The following AJAP1 variants were observed in gnomAD, a reference collection of about 807,000 sequenced individuals.
The protein encoded by AJAP1 is adherens junctions associated protein 1.
Under a neutral mutation model 35.0 loss-of-function variants are expected in AJAP1, and 5 were observed. The ratio of observed to expected loss-of-function variants is 0.14; its 90% CI spans 0.07 to 0.30. AJAP1 has a LOEUF of 0.30. AJAP1 is among the 10% of genes least tolerant of loss of function. The pLI is 1.00. For synonymous variants in AJAP1, 284 were observed against 249.3 expected, an observed-to-expected ratio of 1.14 and a Z score of -1.31; for missense variants, 586 against 571.0, an observed-to-expected ratio of 1.03 and a Z score of -0.27.
At chr1:4,748,779 G>GAAAAA (rs1641255545) in intron 2 of AJAP1, among the ~76,000 whole-genome samples, 5 of 146,018 alleles carry the variant, frequency 3.4e-5, no homozygotes, top group African/African-American at 1.3e-4. Context: ...AAAAAAGAAT[G>GAAAAA]GAACCAGGGC....
At position 4,751,191 on chromosome 1, in the gene AJAP1, C is replaced by T. The variant is rs550681320; in HGVS notation, c.830-18662C>T. Among the ~76,000 whole-genome samples the T allele has an allele frequency of 5.7e-4, 86 of 152,200 alleles. 2 individuals are homozygous for T. The South Asian group carries it at 0.013, about 22-fold the overall frequency. On this transcript the variant is annotated intron_variant, in intron 2 of 5. Transcript: ENST00000378191. ...CCCCCTCTGTTTTGTCTGGAGATGACGGCACCATGTCTGGACCCGGCAGAG... is the reference window on the plus strand; with the variant it reads ...CCCCCTCTGTTTTGTCTGGAGATGATGGCACCATGTCTGGACCCGGCAGAG...
intron 1 of AJAP1, among the ~76,000 whole-genome samples, chr1:4,699,436 A>G (rs184820504): frequency 6.6e-6 from 1 of 152,354 alleles, no homozygotes; most frequent in Non-Finnish European, 1.5e-5. Context: ...CAACGAAACC[A>G]AAATAGATAT....
chr1:4,766,565 A>G (rs17349250), intron 2 of AJAP1, among the ~76,000 whole-genome samples: 41,095 of 152,154 alleles, frequency 0.27, 6,037 homozygotes, highest in Admixed American at 0.36. Context: ...TTGTCCAACC[A>G]TCATGAGGGT....
chr1:4,727,074 C>T lies in AJAP1; in HGVS notation c.829+14375C>T, dbSNP rs116062165. On this transcript the variant is annotated intron_variant, in intron 2 of 5. Transcript: ENST00000378191. ...CTGTGGCAGCAGGTTGCCATTGCTT[C>T]GCAGTTTGGGTTACATCTGTTCCGC... Among the ~76,000 whole-genome samples the T allele has an allele frequency of 9.4e-3, 1,425 of 152,358 alleles. 23 individuals carry two copies. Among genetic ancestry groups the T allele is most frequent in the African/African-American group, 0.031 (1,279 of 41,594 alleles).
chr1:4,780,883 G>T (rs1281240912), intron 5 of AJAP1, among the ~76,000 whole-genome samples: 2 of 151,918 alleles, frequency 1.3e-5, no homozygotes, highest in Non-Finnish European at 2.9e-5. Flanking sequence ...GCCCACAGCA[G>T]CTGGTCTTCC....
At chr1:4,731,465 G>A (rs1284270015) in intron 2 of AJAP1, among the ~76,000 whole-genome samples, 2 of 152,232 alleles carry the variant, frequency 1.3e-5, no homozygotes, top group Non-Finnish European at 2.9e-5. Flanking sequence ...GACCCAGGCA[G>A]ATCCTCAGCT....
rs1639774467 is a variant in AJAP1, at chr1:4,692,813, G to T, written c.30-19087G>T. Among the ~76,000 whole-genome samples the T allele has an allele frequency of 6.6e-6, 1 of 152,118 alleles. No homozygotes were observed. Among genetic ancestry groups the T allele is most frequent in the Non-Finnish European group, 1.5e-5 (1 of 68,028 alleles). On this transcript the variant is annotated intron_variant, in intron 1 of 5. Transcript: ENST00000378191. This position sits in a 1 kb window ranked among gnomAD's most constrained non-coding sequence, Gnocchi z 4.4. ...CAGTGGACTGTGAACTCCCCATCTGGGTTCCTCTGTCTGTTGGCCCACGAA... is the reference window on the plus strand; with the variant it reads ...CAGTGGACTGTGAACTCCCCATCTGTGTTCCTCTGTCTGTTGGCCCACGAA...
intron 2 of AJAP1, among the ~76,000 whole-genome samples, chr1:4,758,642 G>A (rs1480137422): frequency 6.6e-6 from 1 of 152,158 alleles, no homozygotes; most frequent in Non-Finnish European, 1.5e-5. Flanking sequence ...GACAAGTGGG[G>A]ATTATGGGGC....
At chr1:4,695,510 G>C (rs1434836006) in intron 1 of AJAP1, among the ~76,000 whole-genome samples, 1 of 152,192 alleles carries the variant, frequency 6.6e-6, no homozygotes, top group Non-Finnish European at 1.5e-5. Context: ...TGGAGATGGA[G>C]AGTGGGAACA....
chr1:4,768,730 G>A (rs575984716), intron 2 of AJAP1, among the ~76,000 whole-genome samples: 11 of 152,318 alleles, frequency 7.2e-5, no homozygotes, highest in South Asian at 2.1e-4. Context: ...TGCCACCTGC[G>A]GGCTTGGCGG....
intron 2 of AJAP1, among the ~76,000 whole-genome samples, chr1:4,724,086 T>C (rs796357958): frequency 5.0e-4 from 76 of 152,282 alleles, no homozygotes; most frequent in African/African-American, 1.8e-3. Context: ...ATCCCATGGG[T>C]ACTGCACCGA....
chr1:4,752,187 A>AGAGAGGAGGAGG (rs1641334626), intron 2 of AJAP1, among the ~76,000 whole-genome samples: 1 of 145,864 alleles, frequency 6.9e-6, no homozygotes, highest in African/African-American at 2.5e-5. Flanking sequence ...GAGGGAGGAG[A>AGAGAGGAGGAGG]GAGAGGAGGA....
At chr1:4,674,072 A>G (rs1478281819) in intron 1 of AJAP1, among the ~76,000 whole-genome samples, 2 of 150,630 alleles carry the variant, frequency 1.3e-5, no homozygotes, top group Non-Finnish European at 3.0e-5. Flanking sequence ...AAAAAGGAAC[A>G]AAAAGGATTG....
At chr1:4,750,700 C>T (rs1641302501) in intron 2 of AJAP1, among the ~76,000 whole-genome samples, 1 of 151,314 alleles carries the variant, frequency 6.6e-6, no homozygotes, top group East Asian at 2.0e-4. Context: ...AGTGACACAC[C>T]CTCCTCCTCC....
chr1:4,660,143 T>A (rs1365199402), intron 1 of AJAP1, among the ~76,000 whole-genome samples: 1 of 152,186 alleles, frequency 6.6e-6, no homozygotes, highest in Non-Finnish European at 1.5e-5. Flanking sequence ...ATAAAGCTGT[T>A]TTTCTTCTAC....
intron 1 of AJAP1, among the ~76,000 whole-genome samples, chr1:4,702,995 A>G (rs1277215355): frequency 2.0e-5 from 3 of 152,102 alleles, no homozygotes; most frequent in Non-Finnish European, 4.4e-5. Flanking sequence ...TCCGACCCAA[A>G]TGAGTCATCT....
In AJAP1 at chr1:4,656,394, G is replaced by A. The variant is rs1557595937; in HGVS notation, c.29+940G>A. 2.6e-5 allele frequency among the ~76,000 whole-genome samples: 4 copies of A among 152,224 alleles called. No homozygotes were observed. The highest frequency in any genetic ancestry group is 1.3e-4 in the Admixed American group (2 of 15,288). Reference sequence around the variant, plus strand: ...CACCGAGCTCGTGCATTTGGGTCCCGGGTTGGAACCGCGAGCGGGGAGGAC... The same window carrying A: ...CACCGAGCTCGTGCATTTGGGTCCCAGGTTGGAACCGCGAGCGGGGAGGAC... On this transcript the variant is annotated intron_variant, in intron 1 of 5. Transcript: ENST00000378191. The surrounding 1 kb of genome is among the most constrained non-coding windows in gnomAD (Gnocchi z 5.7).
chr1:4,712,232 C>G lies in AJAP1; in HGVS notation c.362C>G (p.Pro121Arg). Residue 121 changes from proline to arginine, a missense_variant, in exon 2 of 6, where the codon CCA (proline) becomes CGA (arginine). Pro to Arg is a moderately radical substitution (Grantham distance 103). Transcript: ENST00000378191. ...CCCAAGGCAGGACTGGCCAAGCCCCCAGCTGCTGCCAAATCCAGCCCTTCC... is the reference window on the plus strand; with the variant it reads ...CCCAAGGCAGGACTGGCCAAGCCCCGAGCTGCTGCCAAATCCAGCCCTTCC... ...LVPKAGLAKPPAAAKSSPSLA... is the reference protein window; with the variant it reads ...LVPKAGLAKPRAAAKSSPSLA... The G allele has an allele frequency of 1.3e-6, 2 of 1,535,948 alleles. No homozygotes were observed. Among genetic ancestry groups the G allele is most frequent in the Middle Eastern group, 1.7e-4 (1 of 5,762 alleles).
chr1:4,701,619 C>T (rs1449509001), intron 1 of AJAP1, among the ~76,000 whole-genome samples: 1 of 152,228 alleles, frequency 6.6e-6, no homozygotes, highest in Admixed American at 6.5e-5. Flanking sequence ...GCATCCCTGG[C>T]TTCTGTCACT....
Sources: allele counts gnomAD v4.1 joint callset (sites outside exome capture counted in the v4.1 genomes callset), GRCh38; gene constraint gnomAD v4.1.1; non-coding constraint Gnocchi (gnomAD v3.1); transcripts MANE v1.5; gene names NCBI Gene and HGNC (gene_info 2026-07-23, HGNC 2026-07-21).